DEPTOR: variants seen among roughly 807,000 people sequenced by gnomAD.
DEPTOR encodes the protein DEP domain containing MTOR interacting protein, also known as DEP domain-containing mTOR-interacting protein.
In DEPTOR, 41 loss-of-function variants were observed where a neutral mutation model predicts 41.6. The observed-to-expected ratio is 0.98, with a 90% CI of 0.77 to 1.28. The LOEUF (loss-of-function observed/expected upper bound fraction) is 1.28. Among genes scored for constraint, DEPTOR ranks in the 50% most tolerant of loss-of-function variants. The pLI, the probability that DEPTOR is intolerant of heterozygous loss-of-function variation, is 0.00. For missense variants in DEPTOR, 514 were observed against 527.9 expected, an observed-to-expected ratio of 0.97 and a Z score of 0.26; for synonymous variants, 195 against 192.3, an observed-to-expected ratio of 1.01 and a Z score of -0.12.
chr8:120,023,800 GT>G (rs11447693), intron 8 of DEPTOR, among the ~76,000 whole-genome samples: 19 of 144,748 alleles, frequency 1.3e-4, no homozygotes, highest in African/African-American at 1.5e-4. Flanking sequence ...CACCTATTTT[GT>G]TTTTTTTTTT....
Position 120,049,744 on chromosome 8 carries a change from G to C in DEPTOR, c.*40G>C, listed in dbSNP as rs2130226053. The C allele has an allele frequency of 6.2e-7, 1 of 1,609,982 alleles. No individual in the cohort carries two copies. Among genetic ancestry groups the C allele is most frequent in the South Asian group, 1.1e-5 (1 of 90,688 alleles). ...CAGCCCTCCAGTGGCCTGTGGGTGA[G>C]GGAAGCCAGAATGACACAAAGCAAT... On this transcript the variant is annotated 3_prime_UTR_variant, in exon 9 of 9. Coordinates refer to ENST00000286234, the MANE Select transcript of DEPTOR (RefSeq NM_022783.4).
At chr8:120,017,522 G>A (rs941071987) in intron 8 of DEPTOR, among the ~76,000 whole-genome samples, 3 of 152,178 alleles carry the variant, frequency 2.0e-5, no homozygotes, top group African/African-American at 7.2e-5. Flanking sequence ...ATTCTTGTTG[G>A]AGTGGTCACG....
At chr8:120,002,791 A>AAAATATATATATATAT in intron 5 of DEPTOR, among the ~76,000 whole-genome samples, 186 bp from the exon 6 acceptor site, 66 of 60,652 alleles carry the variant, frequency 1.1e-3, no homozygotes, top group African/African-American at 3.9e-3. Flanking sequence ...AAAAAAAAAA[A>AAAATATATATATATAT]ATATATATAT....
chr8:119,900,380 C>CTTTTTT lies in DEPTOR; in HGVS notation c.122+26431_122+26436dup, dbSNP rs377443807. On this transcript the variant is annotated intron_variant, in intron 1 of 8. Transcript: ENST00000286234. Reference sequence around the variant, plus strand: ...TAAATGTCTATTACACACCCCTCACCTTTTTTTTTTTTTTTTTTTTTTTTG... The same window carrying CTTTTTT: ...TAAATGTCTATTACACACCCCTCACCTTTTTTTTTTTTTTTTTTTTTTTTTTTTTTG... Among the ~76,000 whole-genome samples, 191 of 43,898 alleles carry CTTTTTT rather than the reference C, an allele frequency of 4.4e-3. 30 individuals carry two copies. The highest frequency in any genetic ancestry group is 0.015 in the African/African-American group (127 of 8,306). 28.8% of individuals were successfully genotyped at this position (43,898 alleles called of 152,430 possible). A position where few individuals can be genotyped will look rare whatever the true frequency, so the allele number is the denominator to read the frequency against.
At chr8:119,889,501 C>A (rs747428105) in intron 1 of DEPTOR, among the ~76,000 whole-genome samples, 1 of 148,210 alleles carries the variant, frequency 6.7e-6, no homozygotes, top group East Asian at 2.0e-4. Context: ...GAGCCATGTT[C>A]GGGCTACTGC....
At chr8:120,018,663 G>T (rs1812648828) in intron 8 of DEPTOR, among the ~76,000 whole-genome samples, 1 of 152,192 alleles carries the variant, frequency 6.6e-6, no homozygotes, top group Non-Finnish European at 1.5e-5. Flanking sequence ...GCAGTGCTAT[G>T]TCTCACTTTT....
chr8:119,978,866 C>G (rs1321804756), intron 4 of DEPTOR, among the ~76,000 whole-genome samples: 1 of 152,138 alleles, frequency 6.6e-6, no homozygotes, highest in Non-Finnish European at 1.5e-5. Flanking sequence ...GCTGATAACT[C>G]TCATCTCAGT....
At chr8:119,975,507 G>A (rs1051517469) in intron 4 of DEPTOR, among the ~76,000 whole-genome samples, 4 of 152,186 alleles carry the variant, frequency 2.6e-5, no homozygotes, top group African/African-American at 9.7e-5. Context: ...TCGGTCAGTG[G>A]ATGGAAAATT....
At chr8:120,008,950 C>A in intron 7 of DEPTOR, 79 bp from the exon 8 acceptor site, 1 of 1,314,976 alleles carries the variant, frequency 7.6e-7, no homozygotes. Context: ...TAATCCTGGG[C>A]TGGTTTTCTC....
At chr8:119,874,978 T>C (rs776558040) in intron 1 of DEPTOR, among the ~76,000 whole-genome samples, 15 of 152,198 alleles carry the variant, frequency 9.9e-5, no homozygotes, top group Non-Finnish European at 1.6e-4. Flanking sequence ...GGTTTCTAAA[T>C]GTCTGTGTTT....
intron 1 of DEPTOR, 106 bp from the exon 2 acceptor site, chr8:119,928,294 A>T: frequency 8.3e-7 from 1 of 1,204,368 alleles, no homozygotes; most frequent in Non-Finnish European, 1.2e-6. Context: ...ATTCAATGAC[A>T]CCTTCATGCC....
chr8:119,877,786 T>C (rs1376142668), intron 1 of DEPTOR, among the ~76,000 whole-genome samples: 1 of 152,210 alleles, frequency 6.6e-6, no homozygotes, highest in East Asian at 1.9e-4. Flanking sequence ...CACATAAGAT[T>C]TGTGGTAGTG....
At chr8:119,969,379 A>G (rs1220479799) in intron 4 of DEPTOR, among the ~76,000 whole-genome samples, 7 of 141,564 alleles carry the variant, frequency 4.9e-5, no homozygotes, top group Non-Finnish European at 7.7e-5. Flanking sequence ...TTTGAGATGG[A>G]GTTTTGCTCT....
At chr8:119,954,746 G>T (rs772736446) in intron 3 of DEPTOR, among the ~76,000 whole-genome samples, 5 of 152,114 alleles carry the variant, frequency 3.3e-5, no homozygotes, top group African/African-American at 9.7e-5. Context: ...AGGTTAATAC[G>T]GGTCTGGGAA....
chr8:119,877,773 T>TC (rs1827247431), intron 1 of DEPTOR, among the ~76,000 whole-genome samples: 1 of 152,214 alleles, frequency 6.6e-6, no homozygotes, highest in Non-Finnish European at 1.5e-5. Context: ...AATAATATCT[T>TC]CCCACATAAG....
intron 4 of DEPTOR, among the ~76,000 whole-genome samples, chr8:119,987,174 A>G (rs1211280977): frequency 1.3e-5 from 2 of 151,876 alleles, no homozygotes; most frequent in African/African-American, 4.8e-5. Flanking sequence ...GGATATATCT[A>G]CCTTTGGTCT....
chr8:119,999,731 C>G (rs1255045669), intron 4 of DEPTOR, among the ~76,000 whole-genome samples: 1 of 152,128 alleles, frequency 6.6e-6, no homozygotes, highest in East Asian at 1.9e-4. Flanking sequence ...TAAATGGCAA[C>G]AGATAGTATG....
chr8:119,911,499 G>A (rs1827736098), intron 1 of DEPTOR, among the ~76,000 whole-genome samples: 1 of 151,728 alleles, frequency 6.6e-6, no homozygotes, highest in Non-Finnish European at 1.5e-5. Context: ...TGTATTTTTA[G>A]TAGAGACAGA....
In DEPTOR at chr8:119,928,557, G is replaced by A. The variant is rs374195929; in HGVS notation, c.280G>A (p.Asp94Asn). Reference protein sequence around the residue: ...TAIKLMQKLADRGIIHHVCDE... With the variant: ...TAIKLMQKLANRGIIHHVCDE... ...AATTAAACTCATGCAGAAATTAGCAGACCGGGGCATTATTCACCATGGTGA... is the reference window on the plus strand; with the variant it reads ...AATTAAACTCATGCAGAAATTAGCAAACCGGGGCATTATTCACCATGGTGA... Residue 94 changes from aspartate to asparagine, a missense_variant, in exon 2 of 9, where the codon GAC (aspartate) becomes AAC (asparagine). Transcript: ENST00000286234. 3 of 1,614,014 alleles carry A rather than the reference G, an allele frequency of 1.9e-6. No individual in the cohort carries two copies. In the African/African-American group the frequency reaches 4.0e-5, roughly 22 times the overall value.
Sources: allele counts gnomAD v4.1 joint callset (sites outside exome capture counted in the v4.1 genomes callset), GRCh38; gene constraint gnomAD v4.1.1; transcripts MANE v1.5; gene names NCBI Gene and HGNC (gene_info 2026-07-23, HGNC 2026-07-21).